Variants in ERICH6 observed in about 807,000 individuals in gnomAD.
The protein encoded by ERICH6 is glutamate-rich protein 6.
Under a neutral mutation model 71.0 loss-of-function variants are expected in ERICH6, and 71 were observed. That is an observed-to-expected ratio of 1.00 (90% CI 0.83 to 1.22). ERICH6 has a LOEUF of 1.22. Among genes scored for constraint, ERICH6 ranks in the 50% most tolerant of loss-of-function variants. ERICH6 has a pLI of 0.00. For synonymous variants in ERICH6, 262 were observed against 278.4 expected (o/e 0.94, Z 0.59); for missense variants, 808 against 797.2 (o/e 1.01, Z -0.16).
rs138919004 is a variant in ERICH6, at chr3:150,666,884, C to T, written c.1631G>A (p.Arg544His). The T allele has an allele frequency of 5.0e-5, 81 of 1,614,038 alleles. No homozygotes were observed. Among genetic ancestry groups the T allele is most frequent in the African/African-American group, 4.0e-4 (30 of 74,988 alleles). Residue 544 changes from arginine (R) to histidine (H), a missense_variant, in exon 13 of 14, where the codon CGT becomes CAT. Physicochemically the swap from Arg to His is conservative, Grantham distance 29 (BLOSUM62 0). Coordinates refer to ENST00000295910, the MANE Select transcript of ERICH6 (RefSeq NM_152394.5). ...SFKPVFLALN[R>H]YIGVRILEQD... ...TTCTAAGATGCGGACTCCAATATAA[C>T]GGTTCAAAGCCAGAAAGACAGGTTT...
intron 13 of ERICH6, among the ~76,000 whole-genome samples, chr3:150,662,614 GA>G (rs567914557): frequency 2.0e-4 from 30 of 152,310 alleles, no homozygotes; most frequent in African/African-American, 7.0e-4. Flanking sequence ...ATTAACAAGA[GA>G]GGGGTAAATC....
At position 150,664,364 on chromosome 3, in the gene ERICH6, A is replaced by C. The variant is rs369497634; in HGVS notation, c.1728+2423T>G. Among the ~76,000 whole-genome samples, 20 of 152,324 alleles carry C rather than the reference A, an allele frequency of 1.3e-4. No homozygotes were observed. The East Asian group carries it at 3.5e-3, about 26-fold the overall frequency. On this transcript the variant is annotated intron_variant, in intron 13 of 13. Transcript: ENST00000295910. The stretch of plus-strand genomic sequence containing the variant: ...TTATGTTTTAAAAAAGATGTATAAA[A>C]TAGGCTGGGCACGGTGGCTCACGCC...
At position 150,674,339 on chromosome 3, in the gene ERICH6, T is replaced by C. The variant is rs116523298; in HGVS notation, c.1258-298A>G. Among the ~76,000 whole-genome samples the C allele has an allele frequency of 5.3e-3, 803 of 151,976 alleles. 12 individuals carry two copies. The highest frequency in any genetic ancestry group is 0.019 in the African/African-American group (772 of 41,446). ...ACTAAAAGAACAAAACAAAAGCAGATAAAAACCAGCCCCAGCACAATGTGC... is the reference window on the plus strand; with the variant it reads ...ACTAAAAGAACAAAACAAAAGCAGACAAAAACCAGCCCCAGCACAATGTGC... On this transcript the variant is annotated intron_variant, in intron 10 of 13. Coordinates refer to ENST00000295910, the MANE Select transcript of ERICH6 (RefSeq NM_152394.5).
chr3:150,679,423 C>G (rs890460521), intron 9 of ERICH6, among the ~76,000 whole-genome samples: 4 of 152,032 alleles, frequency 2.6e-5, no homozygotes, highest in Non-Finnish European at 5.9e-5. Context: ...TATGCTTTTG[C>G]GTCCTCATAG....
At chr3:150,665,658 C>T (rs1251407129) in intron 13 of ERICH6, among the ~76,000 whole-genome samples, 1 of 151,438 alleles carries the variant, frequency 6.6e-6, no homozygotes, top group Non-Finnish European at 1.5e-5. Flanking sequence ...GAAACCCTGT[C>T]TCTACTAAAA....
At chr3:150,683,170 G>A (rs1203898236) in intron 6 of ERICH6, among the ~76,000 whole-genome samples, 1 of 152,230 alleles carries the variant, frequency 6.6e-6, no homozygotes, top group East Asian at 1.9e-4. Context: ...AAGGTGGCCA[G>A]TGCAGCCAGG....
At position 150,669,374 on chromosome 3, in the gene ERICH6, A is replaced by T; in HGVS notation, c.1421T>A (p.Met474Lys). The T allele has an allele frequency of 6.2e-7, 1 of 1,613,918 alleles. No homozygotes were observed. The highest frequency in any genetic ancestry group is 1.3e-5 in the African/African-American group (1 of 75,060). Residue 474 changes from methionine (M) to lysine (K), a missense_variant, in exon 12 of 14, where the codon ATG becomes AAG. Coordinates refer to ENST00000295910, the MANE Select transcript of ERICH6 (RefSeq NM_152394.5). ...NGFTCIVQEDMPTNPAILAVL... is the reference protein window; with the variant it reads ...NGFTCIVQEDKPTNPAILAVL... ...TGCTAGGATAGCAGGGTTAGTGGGC[A>T]TATCTTCTTGGACTATACAAGTAAA...
rs1727430894 is a variant in ERICH6, at chr3:150,666,799, TCCAAC to T, written c.1711_1715del (p.Val571AsnfsTer9). On this transcript the variant is annotated frameshift_variant, in exon 13 of 14. Coordinates refer to ENST00000295910, the MANE Select transcript of ERICH6 (RefSeq NM_152394.5). LOFTEE classifies it low-confidence loss of function (END_TRUNC). ...AAAATGTACCTACCTTCACTTTGGT[TCCAAC>T]ACTGATTCTTGCCTGTTGGCCCATT... is the stretch of plus-strand genomic sequence containing the variant. 1 of 1,613,966 alleles carries T rather than the reference TCCAAC, an allele frequency of 6.2e-7. No individual in the cohort carries two copies. Among genetic ancestry groups the T allele is most frequent in the Non-Finnish European group, 8.5e-7 (1 of 1,179,962 alleles).
At chr3:150,665,016 G>A (rs942259316) in intron 13 of ERICH6, among the ~76,000 whole-genome samples, 1 of 152,028 alleles carries the variant, frequency 6.6e-6, no homozygotes, top group Admixed American at 6.6e-5. Context: ...GAAGGAAGTA[G>A]AGGGAGAGAG....
chr3:150,702,127 A>T lies in ERICH6; in HGVS notation c.455T>A (p.Ile152Lys), dbSNP rs766510891. The change falls in exon 2 of 14, where the codon ATA becomes AAA. Residue 152 changes from isoleucine to lysine, a missense_variant. By Grantham distance (102) the Ile-to-Lys change is moderately radical. Coordinates refer to ENST00000295910, the MANE Select transcript of ERICH6 (RefSeq NM_152394.5). The part of the protein sequence containing the change: ...TFRKDMSEMS[I>K]DRNIHRNLSP... ...TTTGAAAACATTTTCTTACCTATCT[A>T]TACTCATTTCAGACATGTCTTTCCT... 2 of 1,565,588 alleles carry T rather than the reference A, an allele frequency of 1.3e-6. No homozygotes were observed. The highest frequency in any genetic ancestry group is 1.8e-5 in the Admixed American group (1 of 55,888).
intron 3 of ERICH6, among the ~76,000 whole-genome samples, chr3:150,692,084 T>C (rs1186416262): frequency 2.0e-5 from 3 of 152,200 alleles, no homozygotes; most frequent in Non-Finnish European, 2.9e-5. Flanking sequence ...GACTAGCATA[T>C]AGGCGCTTGT....
chr3:150,687,312 C>T (rs1027047763), intron 3 of ERICH6, among the ~76,000 whole-genome samples: 3 of 152,164 alleles, frequency 2.0e-5, no homozygotes, highest in East Asian at 1.9e-4. Flanking sequence ...ATGCAATTTA[C>T]GACTTACGTG....
At chr3:150,690,727 A>G (rs1264860305) in intron 3 of ERICH6, among the ~76,000 whole-genome samples, 3 of 152,222 alleles carry the variant, frequency 2.0e-5, no homozygotes, top group Non-Finnish European at 4.4e-5. Context: ...GCATTTATTA[A>G]TCAAGCAATT....
At chr3:150,671,794 A>T (rs1711503921) in intron 11 of ERICH6, among the ~76,000 whole-genome samples, 1 of 152,016 alleles carries the variant, frequency 6.6e-6, no homozygotes, top group South Asian at 2.1e-4. Context: ...CACCTGGCTA[A>T]TTTTTTGTAT....
At position 150,667,012 on chromosome 3, in the gene ERICH6, T is replaced by A. The variant is rs1457843783; in HGVS notation, c.1503A>T (p.Val501=). The change falls in exon 13 of 14, where the codon GTA becomes GTT. Residue 501 remains valine, a synonymous_variant. Transcript: ENST00000295910. ...ATTGACCTCCCAAGATATTGATGTA[T>A]ACCCTGGTCAGGAAGGAAATGTAAA... The part of the protein sequence containing the change: ...SCYHPNGNVW[V]YINILGGQYS... 38 of 1,611,966 alleles carry A rather than the reference T, an allele frequency of 2.4e-5. No individual in the cohort carries two copies. The highest frequency in any genetic ancestry group is 3.1e-5 in the Non-Finnish European group (36 of 1,178,976).
intron 11 of ERICH6, among the ~76,000 whole-genome samples, chr3:150,671,352 A>G (rs942013577): frequency 6.6e-6 from 1 of 152,152 alleles, no homozygotes; most frequent in Non-Finnish European, 1.5e-5. Flanking sequence ...TCTTGTTTTT[A>G]CTTTCCTCAG....
chr3:150,680,597 C>G, intron 8 of ERICH6, 59 bp from the exon 9 acceptor site: 1 of 1,599,334 alleles, frequency 6.3e-7, no homozygotes. Flanking sequence ...TTAAAACAGT[C>G]TACTACAAAA....
chr3:150,691,392 T>C (rs1443469787), intron 3 of ERICH6, among the ~76,000 whole-genome samples: 1 of 152,144 alleles, frequency 6.6e-6, no homozygotes, highest in Non-Finnish European at 1.5e-5. Flanking sequence ...TCAAAGATCA[T>C]GTATTAAACG....
At chr3:150,687,637 A>G (rs1712254331) in intron 3 of ERICH6, among the ~76,000 whole-genome samples, 1 of 152,204 alleles carries the variant, frequency 6.6e-6, no homozygotes. Context: ...GAAGCCATCC[A>G]CAAATCAGCA....
Sources: gnomAD v4.1 joint callset for allele counts (sites outside exome capture counted in the v4.1 genomes callset) on GRCh38, gnomAD v4.1.1 for gene constraint, MANE v1.5 for transcripts, NCBI Gene and HGNC (gene_info 2026-07-23, HGNC 2026-07-21) for gene names.